The following TCN2 variants were observed in gnomAD, a reference collection of about 807,000 sequenced individuals.
TCN2 encodes the protein transcobalamin-2.
Under a neutral mutation model 48.6 loss-of-function variants are expected in TCN2, and 34 were observed. That is an observed-to-expected ratio of 0.70 (90% confidence interval 0.53 to 0.93). TCN2 has a LOEUF of 0.93. Ranked by LOEUF, TCN2 falls within the 40% of genes least tolerant of loss-of-function variation. TCN2 has a pLI of 0.00. For missense variants in TCN2, 652 were observed against 526.1 expected (o/e 1.24, Z -2.34); for synonymous variants, 283 against 212.5 (o/e 1.33, Z -2.89).
At position 30,612,942 on chromosome 22, in the gene TCN2, G is replaced by C; in HGVS notation, c.327G>C (p.Leu109=). Residue 109 remains leucine (L), a synonymous_variant, in exon 3 of 9, where the codon CTG becomes CTC. Transcript: ENST00000215838. ...KPSMGQLALY[L]LALRANCEFV... ...CCATGGGCCAGCTGGCCCTCTACCT[G>C]CTCGCTCTCAGAGCCAACTGTGAGT... The C allele has an allele frequency of 6.2e-7, 1 of 1,614,206 alleles. No individual in the cohort carries two copies. The highest frequency in any genetic ancestry group is 2.2e-5 in the East Asian group (1 of 44,886).
At chr22:30,609,375 C>A (rs945455754) in intron 1 of TCN2, among the ~76,000 whole-genome samples, 3 of 152,076 alleles carry the variant, frequency 2.0e-5, no homozygotes, top group Admixed American at 6.6e-5. Flanking sequence ...AGAGCTCACC[C>A]AAGGCTGCTT....
intron 8 of TCN2, among the ~76,000 whole-genome samples, chr22:30,623,947 C>T (rs12160748): frequency 0.32 from 8,543 of 27,120 alleles, 2,978 homozygotes; most frequent in Non-Finnish European, 0.36. Flanking sequence ...TACACACACA[C>T]ATATGTATAC....
chr22:30,622,928 A>G (rs1569045616), intron 7 of TCN2, 40 bp from the exon 8 acceptor site: 2 of 1,603,616 alleles, frequency 1.2e-6, no homozygotes, highest in Admixed American at 1.7e-5. Context: ...TAGGGACAAC[A>G]GCCACCTCTT....
At chr22:30,623,110 G>A in intron 8 of TCN2, 27 bp downstream of exon 8, 3 of 1,611,194 alleles carry the variant, frequency 1.9e-6, no homozygotes, top group South Asian at 1.1e-5. Context: ...CACTCTGGAT[G>A]TGTCCCCTAC....
chr22:30,623,999 T>TATATATGTATACATATATACACAC lies in TCN2; in HGVS notation c.1222+923_1222+946dup, dbSNP rs1569047107. ...ATATATGTATACATATATACACACATATATATGTATACATATATACACACA... is the reference window on the plus strand; with the variant it reads ...ATATATGTATACATATATACACACATATATATGTATACATATATACACACATATATGTATACATATATACACACA... On this transcript the variant is annotated intron_variant, in intron 8 of 8. Coordinates refer to ENST00000215838, the MANE Select transcript of TCN2 (RefSeq NM_000355.4). 1.7e-3 allele frequency among the ~76,000 whole-genome samples: 58 copies of TATATATGTATACATATATACACAC among 34,332 alleles called. 19 individuals are homozygous for TATATATGTATACATATATACACAC. Among genetic ancestry groups the TATATATGTATACATATATACACAC allele is most frequent in the Non-Finnish European group, 2.2e-3 (49 of 22,494 alleles). 22.5% of individuals were successfully genotyped at this position (34,332 alleles called of 152,430 possible). A position where few individuals can be genotyped will look rare whatever the true frequency, so the allele number is the denominator to read the frequency against.
chr22:30,626,097 T>G (rs573002278), intron 8 of TCN2, among the ~76,000 whole-genome samples: 55 of 152,248 alleles, frequency 3.6e-4, no homozygotes, highest in African/African-American at 1.3e-3. Context: ...GGCGTCCTCC[T>G]AGAGCCTGGA....
chr22:30,609,830 C>T (rs1403967920), intron 1 of TCN2, among the ~76,000 whole-genome samples: 1 of 152,194 alleles, frequency 6.6e-6, no homozygotes, highest in African/African-American at 2.4e-5. Context: ...GGTGGATGGT[C>T]ACCTTATAGC....
intron 1 of TCN2, 47 bp from the exon 2 acceptor site, chr22:30,610,824 T>C (rs2087526563): frequency 6.2e-7 from 1 of 1,606,700 alleles, no homozygotes; most frequent in South Asian, 1.1e-5. Flanking sequence ...ACTTCTTTGC[T>C]GGTGGCCTGG....
In TCN2 at chr22:30,623,949, T is replaced by TATATACACACACAC. The variant is rs1555896286; in HGVS notation, c.1222+868_1222+869insATACACACACACAT. ...ATGTATACATATATACACACACACATATGTATACATATATACACACACATA... is the reference window on the plus strand; with the variant it reads ...ATGTATACATATATACACACACACATATATACACACACACATGTATACATATATACACACACATA... On this transcript the variant is annotated intron_variant, in intron 8 of 8. Transcript: ENST00000215838. 1.8e-4 allele frequency among the ~76,000 whole-genome samples: 12 copies of TATATACACACACAC among 68,064 alleles called. 5 individuals are homozygous for TATATACACACACAC. The highest frequency in any genetic ancestry group is 4.7e-4 in the Admixed American group (3 of 6,316). 44.7% of individuals were successfully genotyped at this position (68,064 alleles called of 152,430 possible). A position where few individuals can be genotyped will look rare whatever the true frequency, so the allele number is the denominator to read the frequency against.
intron 6 of TCN2, 76 bp from the exon 7 acceptor site, chr22:30,617,254 G>C (rs975620553): frequency 1.9e-5 from 31 of 1,600,946 alleles, no homozygotes; most frequent in Non-Finnish European, 2.6e-5. Flanking sequence ...AGGTGTCCTT[G>C]AGGGAAGACA....
chr22:30,617,399 T>C lies in TCN2; in HGVS notation c.1010T>C (p.Leu337Pro). 1 of 1,614,150 alleles carries C rather than the reference T, an allele frequency of 6.2e-7. No individual in the cohort carries two copies. Among genetic ancestry groups the C allele is most frequent in the Non-Finnish European group, 8.5e-7 (1 of 1,180,026 alleles). Residue 337 changes from leucine (L) to proline (P), a missense_variant, in exon 7 of 9, where the codon CTT becomes CCT. By Grantham distance (98) the Leu-to-Pro change is moderately conservative. Coordinates refer to ENST00000215838, the MANE Select transcript of TCN2 (RefSeq NM_000355.4). ...ATCATCAGTGTCACGCTGCAGGTGC[T>C]TAGTCTCTTGCCGCCGTACAGACAG... The part of the protein sequence containing the change: ...QEIISVTLQV[L>P]SLLPPYRQSI...
chr22:30,627,121 G>T lies in TCN2; in HGVS notation c.*600G>T. The T allele has an allele frequency of 5.9e-6, 1 of 170,790 alleles. No individual in the cohort carries two copies. The highest frequency in any genetic ancestry group is 1.3e-5 in the Non-Finnish European group (1 of 77,982). 10.6% of individuals were successfully genotyped at this position (170,790 alleles called of 1,614,324 possible). On this transcript the variant is annotated 3_prime_UTR_variant, in exon 9 of 9. Coordinates refer to ENST00000215838, the MANE Select transcript of TCN2 (RefSeq NM_000355.4). ...GGGGCAGGGACAAGAGAAGGGGGAA[G>T]TAACCCCATCAGGGAGGAGTGGAGG...
intron 7 of TCN2, 52 bp from the exon 8 acceptor site, chr22:30,622,916 C>T: frequency 1.9e-6 from 3 of 1,588,776 alleles, no homozygotes; most frequent in Non-Finnish European, 2.6e-6. Context: ...TGCCTCTCCC[C>T]TTAGGGACAA....
chr22:30,621,854 C>T (rs914967440), intron 7 of TCN2, among the ~76,000 whole-genome samples: 4 of 152,142 alleles, frequency 2.6e-5, no homozygotes, highest in Non-Finnish European at 4.4e-5. Context: ...TCTCTGCCTC[C>T]TCTCAGCTCT....
intron 7 of TCN2, 126 bp from the exon 8 acceptor site, chr22:30,622,842 G>T: frequency 1.1e-6 from 1 of 950,928 alleles, no homozygotes; most frequent in East Asian, 2.5e-5. Context: ...AGGTGGCCTG[G>T]GAAGGGTTTG....
Position 30,613,184 on chromosome 22 carries a change from G to A in TCN2, c.427+142G>A. 17 of 1,203,134 alleles carry A rather than the reference G, an allele frequency of 1.4e-5. 1 individual carries two copies. The South Asian group carries it at 2.3e-4, about 17-fold the overall frequency. The allele number at this position is 1,203,134 out of a possible 1,614,324, so 74.5% of individuals were successfully genotyped here. On this transcript the variant is annotated intron_variant, in intron 3 of 8. Transcript: ENST00000215838. ...TTCTGCCCATCTCACTGCCTACGTA[G>A]AGGCTCGAACCTGTCCCCATAGCCA...
intron 1 of TCN2, among the ~76,000 whole-genome samples, 168 bp downstream of exon 1, chr22:30,607,563 C>T (rs1009018481): frequency 1.3e-5 from 2 of 152,208 alleles, no homozygotes; most frequent in Admixed American, 1.3e-4. Flanking sequence ...ATATGTTTGA[C>T]TCCTCACCAG....
intron 1 of TCN2, 117 bp downstream of exon 1, chr22:30,607,512 A>G (rs1172057079): frequency 2.8e-6 from 3 of 1,066,340 alleles, no homozygotes; most frequent in South Asian, 1.5e-5. Flanking sequence ...GTTTGGGCTT[A>G]GCTGGACCTC....
intron 8 of TCN2, among the ~76,000 whole-genome samples, chr22:30,624,965 C>T (rs1168682504): frequency 1.3e-5 from 2 of 152,162 alleles, no homozygotes; most frequent in African/African-American, 4.8e-5. Flanking sequence ...GCCTATAATT[C>T]CAGCACTTTG....
Sources: gnomAD v4.1 joint callset for allele counts (sites outside exome capture counted in the v4.1 genomes callset) on GRCh38, gnomAD v4.1.1 for gene constraint, MANE v1.5 for transcripts, NCBI Gene and HGNC (gene_info 2026-07-23, HGNC 2026-07-21) for gene names.